GYG2: variants seen among roughly 807,000 people sequenced by gnomAD.
GYG2 encodes glycogenin 2.
A neutral mutation model predicts 29.4 loss-of-function variants in GYG2; 29 were observed. That is an observed-to-expected ratio of 0.99 (90% confidence interval 0.74 to 1.35). The LOEUF (loss-of-function observed/expected upper bound fraction) is 1.35, where lower values mean the gene tolerates loss of function less well. Ranked by LOEUF, GYG2 falls within the 40% of genes most tolerant of loss-of-function variation. The pLI is 0.00. For synonymous variants in GYG2, 167 were observed against 172.3 expected (o/e 0.97, Z 0.24); for missense variants, 370 against 385.7 (o/e 0.96, Z 0.34).
At position 2,861,535 on chromosome X, in the gene GYG2, A is replaced by T. The variant is rs765786525; in HGVS notation, c.851A>T (p.Asp284Val). ...GTTTTTGTGCAGCTTTGCCACAGTG[A>T]TGTGGGGGGGCCGTGTGCGGATTCA... is the stretch of plus-strand genomic sequence containing the variant. Reference protein sequence around the residue: ...ASPGHTLCHSDVGGPCADSAS... With the variant: ...ASPGHTLCHSVVGGPCADSAS... The change falls in exon 8 of 11, where the codon GAT becomes GTT. Residue 284 changes from aspartate to valine, a missense_variant. By Grantham distance (152) the Asp-to-Val change is radical. Coordinates refer to ENST00000398806, the MANE Select transcript of GYG2 (RefSeq NM_001079855.2). 9.1e-6 allele frequency: 11 copies of T among 1,204,381 alleles called. No homozygotes were observed. Among genetic ancestry groups the T allele is most frequent in the Non-Finnish European group, 1.0e-5 (9 of 891,583 alleles).
Position 2,882,172 on chromosome X carries a change from C to A in GYG2, c.*959C>A, listed in dbSNP as rs1279174975. 3 of 110,554 alleles carry A rather than the reference C, an allele frequency of 2.7e-5. No individual in the cohort carries two copies. The East Asian group carries it at 8.5e-4, about 31-fold the overall frequency. The allele number at this position is 110,554 out of a possible 1,213,427, so 9.1% of individuals were successfully genotyped here. On this transcript the variant is annotated 3_prime_UTR_variant, in exon 11 of 11. Transcript: ENST00000398806. ...GAGAAAGCCTCATTGTCAGAAGTAT[C>A]TTCATTCAATGGGCACAATATGCTG...
At position 2,875,864 on chromosome X, in the gene GYG2, T is replaced by C. The variant is rs748357256; in HGVS notation, c.1093T>C (p.Ser365Pro). The part of the protein sequence containing the change: ...TPAVITCDPL[S>P]QPSPQPADFT... ...TGCCGTGATAACGTGTGACCCACTGTCCCAGCCTTCCCCTCAGCCTGCAGA... is the reference window on the plus strand; with the variant it reads ...TGCCGTGATAACGTGTGACCCACTGCCCCAGCCTTCCCCTCAGCCTGCAGA... Residue 365 changes from serine to proline, a missense_variant, in exon 9 of 11, where the codon TCC becomes CCC. Coordinates refer to ENST00000398806, the MANE Select transcript of GYG2 (RefSeq NM_001079855.2). The C allele has an allele frequency of 5.0e-6, 6 of 1,190,990 alleles. No individual in the cohort carries two copies. The highest frequency in any genetic ancestry group is 6.8e-6 in the Non-Finnish European group (6 of 879,283).
At chrX:2,849,635 A>T (rs1453131415) in intron 3 of GYG2, among the ~76,000 whole-genome samples, 2 of 112,248 alleles carry the variant, frequency 1.8e-5, no homozygotes, top group East Asian at 2.8e-4. Context: ...GGTTGTGACA[A>T]TTGATGTCTC....
intron 3 of GYG2, among the ~76,000 whole-genome samples, chrX:2,845,820 T>C (rs953388309): frequency 2.9e-5 from 3 of 102,731 alleles, no homozygotes; most frequent in African/African-American, 1.0e-4. Flanking sequence ...TGTTCAAATG[T>C]ATATGTATAT....
chrX:2,873,315 C>G (rs1419687068), intron 8 of GYG2, among the ~76,000 whole-genome samples: 1 of 110,423 alleles, frequency 9.1e-6, no homozygotes, highest in African/African-American at 3.3e-5. Flanking sequence ...TAGCTGAGAT[C>G]TGAAAGAAGA....
chrX:2,880,039 A>ATG (rs2088687165), intron 10 of GYG2, among the ~76,000 whole-genome samples: 1 of 111,899 alleles, frequency 8.9e-6, no homozygotes, highest in Non-Finnish European at 1.9e-5. Context: ...AGATAGAAAG[A>ATG]TGTGTGTGTG....
Position 2,835,251 on chromosome X carries a change from G to A in GYG2, c.7+5056G>A, listed in dbSNP as rs185964826. ...TGAAACTTCCAGGTAGCAGGCTTCA[G>A]AGAGAATAGATTGTAAAGGTTTCTC... On this transcript the variant is annotated intron_variant, in intron 2 of 10. Coordinates refer to ENST00000398806, the MANE Select transcript of GYG2 (RefSeq NM_001079855.2). 9.2e-3 allele frequency among the ~76,000 whole-genome samples: 1,027 copies of A among 111,901 alleles called. 16 individuals are homozygous for A. The highest frequency in any genetic ancestry group is 0.029 in the African/African-American group (898 of 30,759).
At chrX:2,861,087 G>A (rs1033157414) in intron 7 of GYG2, among the ~76,000 whole-genome samples, 1 of 109,950 alleles carries the variant, frequency 9.1e-6, no homozygotes, top group Admixed American at 9.8e-5. Flanking sequence ...ATCAGCACAT[G>A]CATTGCCTGG....
intron 7 of GYG2, among the ~76,000 whole-genome samples, chrX:2,860,885 A>G (rs927856684): frequency 7.3e-5 from 8 of 110,341 alleles, no homozygotes; most frequent in African/African-American, 2.0e-4. Context: ...GCCTACCACC[A>G]CGCCCAGCTA....
chrX:2,869,499 AG>A (rs1301303349), intron 8 of GYG2, among the ~76,000 whole-genome samples: 2 of 111,959 alleles, frequency 1.8e-5, no homozygotes, highest in Non-Finnish European at 3.8e-5. Context: ...TTTTTTATTT[AG>A]GGGAGCTGAA....
intron 3 of GYG2, among the ~76,000 whole-genome samples, chrX:2,849,258 A>G (rs12011018): frequency 0.015 from 1,718 of 111,279 alleles, 24 homozygotes; most frequent in African/African-American, 0.053. Flanking sequence ...TGAAGATGCC[A>G]TAAATTCCAT....
chrX:2,877,226 C>G lies in GYG2; in HGVS notation c.1170C>G (p.Val390=). Residue 390 remains valine, a synonymous_variant, in exon 10 of 11, where the codon GTC becomes GTG. Transcript: ENST00000398806. ...ILQPANKVES[V]SSEETFEPSQ... is the part of the protein sequence containing the mutation. Reference sequence around the variant, plus strand: ...AGCCAGCAAATAAAGTCGAAAGTGTCTCATCCGAGGAAACCTTCGAACCAA... The same window carrying G: ...AGCCAGCAAATAAAGTCGAAAGTGTGTCATCCGAGGAAACCTTCGAACCAA... The G allele has an allele frequency of 8.3e-7, 1 of 1,209,088 alleles. No homozygotes were observed. Among genetic ancestry groups the G allele is most frequent in the East Asian group, 3.0e-5 (1 of 33,780 alleles).
chrX:2,838,113 C>T (rs1213190409), intron 2 of GYG2, among the ~76,000 whole-genome samples: 1 of 111,084 alleles, frequency 9.0e-6, no homozygotes, highest in South Asian at 3.8e-4. Flanking sequence ...AGAAATGGTA[C>T]GTGGTAGATA....
chrX:2,856,874 T>C (rs2147208298), intron 6 of GYG2, among the ~76,000 whole-genome samples: 1 of 109,695 alleles, frequency 9.1e-6, no homozygotes, highest in East Asian at 2.9e-4. Context: ...CCTATGTCTA[T>C]GTGTCTGTGT....
intron 8 of GYG2, among the ~76,000 whole-genome samples, chrX:2,869,747 G>C (rs768509724): frequency 1.8e-5 from 2 of 111,706 alleles, no homozygotes; most frequent in African/African-American, 6.5e-5. Context: ...CTGGACTCAA[G>C]TGATCCTCCC....
rs2088711716 is a variant in GYG2, at chrX:2,881,122, AGAG to A, written c.1328_1330del (p.Arg443del). ...GTGAAGGAATTGAGCCCCGAGGAAG[AGAG>A]GAGGAAGTGGGAGGAAGGCCGTATC... is the stretch of plus-strand genomic sequence containing the variant. On this transcript the variant is annotated inframe_deletion, in exon 11 of 11. Transcript: ENST00000398806. The A allele has an allele frequency of 8.3e-7, 1 of 1,205,790 alleles. No homozygotes were observed. The highest frequency in any genetic ancestry group is 1.1e-6 in the Non-Finnish European group (1 of 892,475).
chrX:2,868,008 A>G (rs1490740614), intron 8 of GYG2, among the ~76,000 whole-genome samples: 1 of 110,877 alleles, frequency 9.0e-6, no homozygotes, highest in Non-Finnish European at 1.9e-5. Context: ...AAGCAGGAAA[A>G]TGGCTTGAAC....
In GYG2 at chrX:2,882,636, A is replaced by C. The variant is rs1268; in HGVS notation, c.*1423A>C. 9.3e-6 allele frequency: 1 copy of C among 107,911 alleles called. No homozygotes were observed. Among genetic ancestry groups the C allele is most frequent in the African/African-American group, 3.4e-5 (1 of 29,404 alleles). 8.9% of individuals were successfully genotyped at this position (107,911 alleles called of 1,213,427 possible). On this transcript the variant is annotated 3_prime_UTR_variant, in exon 11 of 11. Coordinates refer to ENST00000398806, the MANE Select transcript of GYG2 (RefSeq NM_001079855.2). Reference sequence around the variant, plus strand: ...GGTTGGATGGTCATCGGCTTTCAGAAGGAGACCACGGGAATGTTCAGGGAA... The same window carrying C: ...GGTTGGATGGTCATCGGCTTTCAGACGGAGACCACGGGAATGTTCAGGGAA...
intron 4 of GYG2, 146 bp from the exon 5 acceptor site, chrX:2,854,847 G>A (rs371009073): frequency 1.9e-4 from 101 of 532,459 alleles, no homozygotes; most frequent in East Asian, 1.5e-3. Flanking sequence ...TGGGGGGATC[G>A]CTTGAACCCG....
Sources: gnomAD v4.1 joint callset for allele counts (sites outside exome capture counted in the v4.1 genomes callset) on GRCh38, gnomAD v4.1.1 for gene constraint, MANE v1.5 for transcripts, NCBI Gene and HGNC (gene_info 2026-07-23, HGNC 2026-07-21) for gene names.